The following DEPDC1B variants were observed in gnomAD, a reference collection of about 807,000 sequenced individuals.
DEPDC1B encodes the protein DEP domain-containing protein 1B.
Under a neutral mutation model 66.5 loss-of-function variants are expected in DEPDC1B, and 51 were observed. The ratio of observed to expected loss-of-function variants is 0.77; its 90% CI spans 0.61 to 0.97. The LOEUF (loss-of-function observed/expected upper bound fraction) is 0.97. Among genes scored for constraint, DEPDC1B ranks in the 50% least tolerant of loss-of-function variants. The pLI, the probability that DEPDC1B is intolerant of heterozygous loss-of-function variation, is 0.00. For missense variants in DEPDC1B, 552 were observed against 637.1 expected (o/e 0.87, Z 1.44); for synonymous variants, 226 against 223.6 (o/e 1.01, Z -0.10).
intron 7 of DEPDC1B, among the ~76,000 whole-genome samples, chr5:60,620,169 C>T (rs1473005289): frequency 6.6e-6 from 1 of 152,194 alleles, no homozygotes; most frequent in African/African-American, 2.4e-5. Flanking sequence ...AAATGCTAGA[C>T]CTAAAACCAT....
rs781414143 is a variant in DEPDC1B, at chr5:60,597,807, C to T, written c.1536G>A (p.Trp512Ter). 20 of 1,613,208 alleles carry T rather than the reference C, an allele frequency of 1.2e-5. No individual in the cohort carries two copies. In the South Asian group the frequency reaches 1.8e-4, roughly 14 times the overall value. Residue 512 changes from tryptophan (W) to a stop codon, truncating the protein, a stop_gained, in exon 11 of 11, where the codon TGG becomes TGA. Coordinates refer to ENST00000265036, the MANE Select transcript of DEPDC1B (RefSeq NM_018369.3). LOFTEE classifies it high-confidence loss of function. ...ATGGTTGGAAAGGCTTCTTTAGTGC[C>T]CACATTAGCAGCTGTGGTTTCGGTT... is the stretch of plus-strand genomic sequence containing the variant. ...KPKPKPQLLM[W>*]ALKKPFQPFQ...
chr5:60,627,334 T>C (rs1392487775), intron 7 of DEPDC1B, among the ~76,000 whole-genome samples: 1 of 152,148 alleles, frequency 6.6e-6, no homozygotes, highest in Non-Finnish European at 1.5e-5. Flanking sequence ...CATCAAATAC[T>C]TTTAAACCCT....
rs528160676 is a variant in DEPDC1B, at chr5:60,605,979, T to C, written c.899-123A>G. On this transcript the variant is annotated intron_variant, in intron 7 of 10. Coordinates refer to ENST00000265036, the MANE Select transcript of DEPDC1B (RefSeq NM_018369.3). ...TAAAATATTTTCACATATTCAACTA[T>C]ACTGGGTCAATTGAATATAGATCCA... 286 of 815,582 alleles carry C rather than the reference T, an allele frequency of 3.5e-4. 3 individuals are homozygous for C. In the South Asian group the frequency reaches 6.5e-3, roughly 19 times the overall value. The allele number at this position is 815,582 out of a possible 1,614,324, so 50.5% of individuals were successfully genotyped here.
In DEPDC1B at chr5:60,608,003, G is replaced by C. The variant is rs574109735; in HGVS notation, c.899-2147C>G. ...CTGAGGGGTTCATTATAAATGACCT[G>C]AGAAACCACTGGTGGGTTCTGAACA... On this transcript the variant is annotated intron_variant, in intron 7 of 10. Coordinates refer to ENST00000265036, the MANE Select transcript of DEPDC1B (RefSeq NM_018369.3). Among the ~76,000 whole-genome samples, 6 of 152,290 alleles carry C rather than the reference G, an allele frequency of 3.9e-5. No homozygotes were observed. The South Asian group carries it at 6.2e-4, about 16-fold the overall frequency.
intron 1 of DEPDC1B, among the ~76,000 whole-genome samples, chr5:60,696,409 T>C (rs1335930359): frequency 6.6e-6 from 1 of 152,212 alleles, no homozygotes; most frequent in Non-Finnish European, 1.5e-5. Flanking sequence ...ATTTCCTTAA[T>C]ATATGAAATA....
chr5:60,641,710 A>G (rs935674632), intron 6 of DEPDC1B, among the ~76,000 whole-genome samples: 1 of 151,992 alleles, frequency 6.6e-6, no homozygotes, highest in Admixed American at 6.6e-5. Flanking sequence ...ATCATTGTCA[A>G]CCCTAGACAA....
chr5:60,598,127 C>T (rs996528255), intron 10 of DEPDC1B, among the ~76,000 whole-genome samples: 1 of 151,986 alleles, frequency 6.6e-6, no homozygotes, highest in Non-Finnish European at 1.5e-5. Flanking sequence ...TCTGAAAATT[C>T]CCCCCACTGC....
At chr5:60,613,591 G>A (rs1038425736) in intron 7 of DEPDC1B, among the ~76,000 whole-genome samples, 9 of 152,082 alleles carry the variant, frequency 5.9e-5, no homozygotes, top group Non-Finnish European at 1.0e-4. Context: ...AAACCCCAAG[G>A]AGACTGACAG....
intron 1 of DEPDC1B, among the ~76,000 whole-genome samples, chr5:60,696,513 G>T (rs1754657486): frequency 6.6e-6 from 1 of 151,916 alleles, no homozygotes; most frequent in Admixed American, 6.6e-5. Context: ...ACTCTGCTCA[G>T]AAAGAAAAAT....
At chr5:60,638,303 G>A (rs1025776791) in intron 7 of DEPDC1B, among the ~76,000 whole-genome samples, 1 of 151,952 alleles carries the variant, frequency 6.6e-6, no homozygotes, top group Non-Finnish European at 1.5e-5. Flanking sequence ...TTTATTTCAT[G>A]TCTCAAATTA....
At chr5:60,691,112 G>A (rs573292134) in intron 1 of DEPDC1B, among the ~76,000 whole-genome samples, 1 of 150,298 alleles carries the variant, frequency 6.7e-6, no homozygotes, top group East Asian at 2.0e-4. Flanking sequence ...GGAGTGCAAT[G>A]GCATGATCTC....
Position 60,700,105 on chromosome 5 carries a change from A to AGCAGCGGCC in DEPDC1B, c.-21_-13dup, listed in dbSNP as rs1252086997. ...ATGCGATGCTCCATGGCGCGTAGGC[A>AGCAGCGGCC]GCAGCGGCCGCAGCCGCGCCAGCGC... On this transcript the variant is annotated 5_prime_UTR_variant, in exon 1 of 11. Transcript: ENST00000265036. 6.5e-6 allele frequency: 10 copies of AGCAGCGGCC among 1,547,418 alleles called. No homozygotes were observed. Among genetic ancestry groups the AGCAGCGGCC allele is most frequent in the Non-Finnish European group, 8.7e-6 (10 of 1,148,508 alleles).
chr5:60,645,687 A>C lies in DEPDC1B; in HGVS notation c.451-68T>G, dbSNP rs1584060261. 2.0e-5 allele frequency: 30 copies of C among 1,468,932 alleles called. No individual in the cohort carries two copies. In the South Asian group the frequency reaches 3.8e-4, roughly 19 times the overall value. 91.0% of individuals were successfully genotyped at this position (1,468,932 alleles called of 1,614,324 possible). On this transcript the variant is annotated intron_variant, in intron 3 of 10. Transcript: ENST00000265036. ...TAGAAAGACAGTGAATAAATATTTC[A>C]ATATAAGGTGGTGGGATTTTTATGA... is the stretch of plus-strand genomic sequence containing the variant.
chr5:60,606,228 C>T (rs183072500), intron 7 of DEPDC1B, among the ~76,000 whole-genome samples: 66 of 152,298 alleles, frequency 4.3e-4, no homozygotes, highest in African/African-American at 1.6e-3. Flanking sequence ...CGTGTCATCA[C>T]TCCCCTGAAT....
intron 1 of DEPDC1B, chr5:60,689,024 A>G (rs1297934184): frequency 8.8e-6 from 4 of 456,268 alleles, no homozygotes; most frequent in South Asian, 6.2e-5. Context: ...GAAACACTGG[A>G]CCACTTCAGG....
intron 6 of DEPDC1B, among the ~76,000 whole-genome samples, chr5:60,642,376 GC>G (rs1561371418): frequency 6.6e-6 from 1 of 152,180 alleles, no homozygotes; most frequent in Non-Finnish European, 1.5e-5. Context: ...CCTTCACAGT[GC>G]CTATGATATT....
At chr5:60,616,747 G>C (rs549946058) in intron 7 of DEPDC1B, among the ~76,000 whole-genome samples, 46 of 152,314 alleles carry the variant, frequency 3.0e-4, no homozygotes, top group African/African-American at 7.9e-4. Flanking sequence ...CTCCAATCTA[G>C]CAAGGCAGGC....
intron 6 of DEPDC1B, among the ~76,000 whole-genome samples, chr5:60,639,563 C>A (rs1753140232): frequency 6.6e-6 from 1 of 152,140 alleles, no homozygotes; most frequent in Non-Finnish European, 1.5e-5. Flanking sequence ...TTGAAGCAAC[C>A]ACTGAAACCC....
At chr5:60,673,238 C>A (rs1754083499) in intron 2 of DEPDC1B, among the ~76,000 whole-genome samples, 1 of 152,170 alleles carries the variant, frequency 6.6e-6, no homozygotes, top group Admixed American at 6.5e-5. Context: ...ATTCCTCAGC[C>A]CTCCTATAAC....
Sources: allele counts gnomAD v4.1 joint callset (sites outside exome capture counted in the v4.1 genomes callset), GRCh38; gene constraint gnomAD v4.1.1; transcripts MANE v1.5; gene names NCBI Gene and HGNC (gene_info 2026-07-23, HGNC 2026-07-21).